The following ALK variants were observed in gnomAD, a reference collection of about 807,000 sequenced individuals.
ALK encodes the protein ALK tyrosine kinase receptor.
A neutral mutation model predicts 163.1 loss-of-function variants in ALK; 74 were observed. That is an observed-to-expected ratio of 0.45 (90% CI 0.38 to 0.55). The LOEUF is 0.55. Among genes scored for constraint, ALK ranks in the 20% least tolerant of loss-of-function variants. ALK has a pLI of 0.00. For synonymous variants in ALK, 960 were observed against 843.2 expected, an observed-to-expected ratio of 1.14 and a Z score of -2.40; for missense variants, 2,063 against 2,105.3, an observed-to-expected ratio of 0.98 and a Z score of 0.39.
At chr2:29,805,974 T>C (rs1178177056) in intron 1 of ALK, among the ~76,000 whole-genome samples, 1 of 152,148 alleles carries the variant, frequency 6.6e-6, no homozygotes, top group African/African-American at 2.4e-5. Flanking sequence ...CTCAGCACAT[T>C]TGACAAGCCA....
intron 6 of ALK, among the ~76,000 whole-genome samples, chr2:29,322,639 G>C (rs1392561613): frequency 6.6e-6 from 1 of 152,186 alleles, no homozygotes; most frequent in Non-Finnish European, 1.5e-5. Flanking sequence ...TTTGAGAACA[G>C]CCTGGCCAAC....
intron 28 of ALK, among the ~76,000 whole-genome samples, chr2:29,196,296 T>A (rs1669021362): frequency 6.6e-6 from 1 of 152,252 alleles, no homozygotes; most frequent in Non-Finnish European, 1.5e-5. Flanking sequence ...TGTTAAAATT[T>A]CTCCAGATTA....
chr2:29,539,644 G>T (rs1223809822), intron 3 of ALK, among the ~76,000 whole-genome samples: 2 of 151,784 alleles, frequency 1.3e-5, no homozygotes, highest in African/African-American at 2.4e-5. Context: ...GGTAAAAAAA[G>T]TTCAAGACTC....
intron 1 of ALK, among the ~76,000 whole-genome samples, chr2:29,870,189 C>T (rs1248300130): frequency 6.6e-6 from 1 of 152,126 alleles, no homozygotes; most frequent in Non-Finnish European, 1.5e-5. Flanking sequence ...TGTTCTCACA[C>T]TGCTATAAAG....
chr2:29,400,150 A>C (rs1279474154), intron 4 of ALK, among the ~76,000 whole-genome samples: 1 of 152,142 alleles, frequency 6.6e-6, no homozygotes, highest in Non-Finnish European at 1.5e-5. Context: ...CAGGTACATC[A>C]TCTCATTTAA....
intron 4 of ALK, among the ~76,000 whole-genome samples, chr2:29,402,922 G>C (rs537149509): frequency 1.3e-5 from 2 of 152,090 alleles, no homozygotes; most frequent in Admixed American, 1.3e-4. Context: ...TCCCACAAAT[G>C]ATTACCGAAC....
intron 1 of ALK, among the ~76,000 whole-genome samples, chr2:29,721,286 A>T (rs1679414224): frequency 6.6e-6 from 1 of 152,114 alleles, no homozygotes; most frequent in Admixed American, 6.5e-5. Flanking sequence ...TTCATTTCAC[A>T]CAATCTCAAC....
intron 12 of ALK, among the ~76,000 whole-genome samples, chr2:29,243,536 C>T (rs530295430): frequency 1.4e-4 from 22 of 152,238 alleles, no homozygotes; most frequent in African/African-American, 4.3e-4. Context: ...ACTCCTTTTC[C>T]GGGGGTGACT....
intron 4 of ALK, among the ~76,000 whole-genome samples, chr2:29,468,600 A>G (rs1357554548): frequency 2.0e-5 from 3 of 152,086 alleles, no homozygotes; most frequent in African/African-American, 4.8e-5. Context: ...CTGTAATCCA[A>G]CACTCTGGGA....
chr2:29,330,339 T>A (rs1391777374), intron 5 of ALK, among the ~76,000 whole-genome samples: 1 of 152,180 alleles, frequency 6.6e-6, no homozygotes, highest in Non-Finnish European at 1.5e-5. Flanking sequence ...AATCCTGCCG[T>A]CCGTCCAGGT....
At chr2:29,359,758 C>T (rs1668345489) in intron 5 of ALK, among the ~76,000 whole-genome samples, 1 of 152,202 alleles carries the variant, frequency 6.6e-6, no homozygotes, top group African/African-American at 2.4e-5. Flanking sequence ...CCCGGGCTGG[C>T]AGTCTTGTTA....
In ALK at chr2:29,634,248, G is replaced by A. The variant is rs893956322; in HGVS notation, c.952+60602C>T. Among the ~76,000 whole-genome samples, 25 of 152,064 alleles carry A rather than the reference G, an allele frequency of 1.6e-4. No individual in the cohort carries two copies. In the East Asian group the frequency reaches 2.5e-3, roughly 15 times the overall value. Reference sequence around the variant, plus strand: ...GAATAGCTAGGATTAGTGACACACTGCGGTGCTGGTTTCCAATTCATTTTA... The same window carrying A: ...GAATAGCTAGGATTAGTGACACACTACGGTGCTGGTTTCCAATTCATTTTA... On this transcript the variant is annotated intron_variant, in intron 3 of 28. Coordinates refer to ENST00000389048, the MANE Select transcript of ALK (RefSeq NM_004304.5).
chr2:29,528,569 G>T (rs1298744878), intron 4 of ALK, among the ~76,000 whole-genome samples: 1 of 152,082 alleles, frequency 6.6e-6, no homozygotes, highest in Non-Finnish European at 1.5e-5. Context: ...GATGTTCCTT[G>T]AAAGCTGTGA....
At chr2:29,574,146 A>G (rs1207661885) in intron 3 of ALK, among the ~76,000 whole-genome samples, 1 of 152,140 alleles carries the variant, frequency 6.6e-6, no homozygotes, top group Non-Finnish European at 1.5e-5. Flanking sequence ...TGGTATGGTG[A>G]GGGACTGTGG....
At chr2:29,396,219 A>T (rs952644441) in intron 4 of ALK, among the ~76,000 whole-genome samples, 2 of 152,164 alleles carry the variant, frequency 1.3e-5, no homozygotes, top group Non-Finnish European at 2.9e-5. Context: ...CCTGGATAAT[A>T]ACGCTGTTGC....
At chr2:29,823,956 C>T (rs1212282498) in intron 1 of ALK, among the ~76,000 whole-genome samples, 2 of 152,204 alleles carry the variant, frequency 1.3e-5, no homozygotes, top group Admixed American at 1.3e-4. Context: ...CCCTCCTCCC[C>T]CCATCACAGG....
At chr2:29,334,960 G>A (rs1207999023) in intron 5 of ALK, among the ~76,000 whole-genome samples, 1 of 152,168 alleles carries the variant, frequency 6.6e-6, no homozygotes, top group Non-Finnish European at 1.5e-5. Context: ...TTAATCAAGG[G>A]CCTGAGTTCC....
chr2:29,632,709 A>C (rs1415136401), intron 3 of ALK, among the ~76,000 whole-genome samples: 4 of 152,196 alleles, frequency 2.6e-5, no homozygotes, highest in Non-Finnish European at 5.9e-5. Flanking sequence ...GCAATTTACA[A>C]AGGAAAGAGG....
intron 11 of ALK, among the ~76,000 whole-genome samples, chr2:29,271,357 C>T (rs975887549): frequency 2.6e-5 from 4 of 152,226 alleles, no homozygotes; most frequent in African/African-American, 7.2e-5. Context: ...AAAACTTTCT[C>T]ATTGGAATTG....
Sources: allele counts gnomAD v4.1 joint callset (sites outside exome capture counted in the v4.1 genomes callset), GRCh38; gene constraint gnomAD v4.1.1; transcripts MANE v1.5; gene names NCBI Gene and HGNC (gene_info 2026-07-23, HGNC 2026-07-21).